Variants in COX5B observed in about 807,000 individuals in gnomAD.
The protein encoded by COX5B is cytochrome c oxidase subunit 5B.
COX5B carries 8 observed loss-of-function variants against 16.2 expected under a neutral mutation model. That is an observed-to-expected ratio of 0.49 (90% CI 0.29 to 0.89). The LOEUF (loss-of-function observed/expected upper bound fraction) is 0.89, where lower values mean the gene tolerates loss of function less well. Ranked by LOEUF, COX5B falls within the 40% of genes least tolerant of loss-of-function variation. The probability of loss-of-function intolerance (pLI) is 0.08; values close to 1 mark genes in which losing one functional copy is unlikely to be tolerated. For synonymous variants in COX5B, 65 were observed against 67.6 expected (o/e 0.96, Z 0.19); for missense variants, 161 against 168.7 (o/e 0.95, Z 0.25).
Position 97,647,091 on chromosome 2 carries a change from A to T in COX5B, c.128A>T (p.Gln43Leu), listed in dbSNP as rs1467565202. The change falls in exon 2 of 4, where the codon CAG (glutamine) becomes CTG (leucine). Residue 43 changes from glutamine (Q) to leucine (L), a missense_variant. Gln to Leu is a moderately radical substitution (Grantham distance 113). Transcript: ENST00000258424. ...SGGGVPTDEE[Q>L]ATGLEREIML... ...GGTGGTGTTCCCACTGATGAAGAGC[A>T]GGCGACTGGGTTGGAGAGGGAGATC... 1 of 1,614,084 alleles carries T rather than the reference A, an allele frequency of 6.2e-7. No individual in the cohort carries two copies. Among genetic ancestry groups the T allele is most frequent in the East Asian group, 2.2e-5 (1 of 44,894 alleles).
rs746686166 is a variant in COX5B, at chr2:97,646,179, G to A, written c.93G>A (p.Met31Ile). ...GPSGAAAMRS[M>I]ASGGGVPTDE... ...GTGGCGCGGCCGCGATGCGCTCCAT[G>A]GCATCTGGAGGTACTCGGGTCTCCG... is the stretch of plus-strand genomic sequence containing the variant. The change falls in exon 1 of 4, where the codon ATG (methionine) becomes ATA (isoleucine). Residue 31 changes from methionine (M) to isoleucine (I), a missense_variant. Physicochemically the swap from Met to Ile is conservative, Grantham distance 10. Transcript: ENST00000258424. 2 of 1,545,250 alleles carry A rather than the reference G, an allele frequency of 1.3e-6. No homozygotes were observed. The highest frequency in any genetic ancestry group is 1.7e-6 in the Non-Finnish European group (2 of 1,143,058).
chr2:97,647,220 A>T, intron 2 of COX5B, 80 bp downstream of exon 2: 1 of 1,546,024 alleles, frequency 6.5e-7, no homozygotes, highest in Non-Finnish European at 8.9e-7. Context: ...CTCTGGGAGT[A>T]TTTGATACAG....
At chr2:97,647,030 T>A in intron 1 of COX5B, 37 bp from the exon 2 acceptor site, 2 of 1,598,720 alleles carry the variant, frequency 1.3e-6, no homozygotes, top group Non-Finnish European at 1.7e-6. Flanking sequence ...TATCAGTCAT[T>A]TCAGTCAGCG....
In COX5B at chr2:97,648,015, C is replaced by T. The variant is rs142899936; in HGVS notation, c.297C>T (p.Ser99=). 6.8e-5 allele frequency: 110 copies of T among 1,613,604 alleles called. No individual in the cohort carries two copies. Among genetic ancestry groups the T allele is most frequent in the Non-Finnish European group, 8.3e-5 (98 of 1,179,874 alleles). The change falls in exon 4 of 4, where the codon AGC becomes AGT. Residue 99 remains serine (S), a synonymous_variant. Transcript: ENST00000258424. ...TTTTAGGTGAAGAGGACAATACCAG[C>T]GTCGTCTGGTTTTGGCTGCACAAAG... ...VGCICEEDNT[S]VVWFWLHKGE...
intron 1 of COX5B, 186 bp downstream of exon 1, chr2:97,646,375 C>G: frequency 1.8e-6 from 1 of 567,924 alleles, no homozygotes; most frequent in South Asian, 2.1e-5. Flanking sequence ...GCTCCCCGAA[C>G]TCACTCCGCT....
In COX5B at chr2:97,647,398, A is replaced by C. The variant is rs1387761010; in HGVS notation, c.232A>C (p.Asn78His). 1 of 1,614,096 alleles carries C rather than the reference A, an allele frequency of 6.2e-7. No individual in the cohort carries two copies. The highest frequency in any genetic ancestry group is 8.5e-7 in the Non-Finnish European group (1 of 1,180,004). Residue 78 changes from asparagine (N) to histidine (H), a missense_variant, in exon 3 of 4, where the codon AAT becomes CAT. Transcript: ENST00000258424. ...KGASGTREDP[N>H]LVPSISNKRI... ...AGCTTCAGGCACCAGGGAAGACCCT[A>C]ATTTAGTCCCCTCCATCTCCAACAA...
rs1297027164 is a variant in COX5B at position 97,648,217 on chromosome 2, C to A, written c.*109C>A. The A allele has an allele frequency of 1.1e-6, 1 of 948,758 alleles. No individual in the cohort carries two copies. The highest frequency in any genetic ancestry group is 1.5e-6 in the Non-Finnish European group (1 of 648,054). 58.8% of individuals were successfully genotyped at this position (948,758 alleles called of 1,614,324 possible). A position where few individuals can be genotyped will look rare whatever the true frequency, so the allele number is the denominator to read the frequency against. ...ATAGATGGCTGGTCTTATTTCTTAC[C>A]CGTATTCTTTGGTAGGCATGGAATA... On this transcript the variant is annotated 3_prime_UTR_variant, in exon 4 of 4. Transcript: ENST00000258424.
At chr2:97,647,959 G>C (rs1332246313) in intron 3 of COX5B, 37 bp from the exon 4 acceptor site, 1 of 1,574,668 alleles carries the variant, frequency 6.4e-7, no homozygotes, top group African/African-American at 1.3e-5. Flanking sequence ...TCCCTTTCTA[G>C]GTTGGATGAC....
intron 2 of COX5B, 82 bp downstream of exon 2, chr2:97,647,222 T>C: frequency 6.5e-7 from 1 of 1,544,324 alleles, no homozygotes; most frequent in Middle Eastern, 1.7e-4. Context: ...CTGGGAGTAT[T>C]TGATACAGGA....
intron 3 of COX5B, among the ~76,000 whole-genome samples, 198 bp downstream of exon 3, chr2:97,647,641 GA>G (rs763006250): frequency 1.3e-5 from 2 of 152,182 alleles, no homozygotes; most frequent in Non-Finnish European, 2.9e-5. Context: ...GGCTCACTGG[GA>G]GTGCGGCATG....
At chr2:97,646,506 C>T (rs1055005652) in intron 1 of COX5B, 11 of 337,064 alleles carry the variant, frequency 3.3e-5, no homozygotes, top group African/African-American at 2.4e-4. Context: ...GTGGGTTCTA[C>T]ATGCTTTTAG....
chr2:97,646,514 T>C (rs995631527), intron 1 of COX5B: 5 of 294,296 alleles, frequency 1.7e-5, no homozygotes, highest in Admixed American at 1.4e-4. Flanking sequence ...TACATGCTTT[T>C]AGACAAATGT....
At chr2:97,647,540 T>C in intron 3 of COX5B, 97 bp downstream of exon 3, 1 of 1,019,626 alleles carries the variant, frequency 9.8e-7, no homozygotes, top group Non-Finnish European at 1.5e-6. Context: ...TGCATGTTGG[T>C]AAGTTTGTCT....
At chr2:97,647,309 T>G (rs1559284950) in intron 2 of COX5B, 35 bp from the exon 3 acceptor site, 3 of 1,594,820 alleles carry the variant, frequency 1.9e-6, no homozygotes, top group Admixed American at 1.7e-5. Flanking sequence ...ATTCTTGTTT[T>G]TTTTGTTTTG....
chr2:97,647,532 C>A, intron 3 of COX5B, 89 bp downstream of exon 3: 2 of 1,123,124 alleles, frequency 1.8e-6, no homozygotes, highest in Non-Finnish European at 2.7e-6. Flanking sequence ...TGTGTGAGTG[C>A]ATGTTGGTAA....
chr2:97,647,350 T>C lies in COX5B; in HGVS notation c.184T>C (p.Tyr62His), dbSNP rs769537358. 1.2e-6 allele frequency: 2 copies of C among 1,613,568 alleles called. No homozygotes were observed. Among genetic ancestry groups the C allele is most frequent in the Admixed American group, 1.7e-5 (1 of 59,946 alleles). Residue 62 changes from tyrosine (Y) to histidine (H), a missense_variant, in exon 3 of 4, where the codon TAC becomes CAC. By Grantham distance (83) the Tyr-to-His change is moderately conservative (BLOSUM62 2). Coordinates refer to ENST00000258424, the MANE Select transcript of COX5B (RefSeq NM_001862.3). ...TTTTTTGTTTTTTCTTCAGGACCCA[T>C]ACAATGTACTGGCCCCAAAGGGAGC... Reference protein sequence around the residue: ...MLAAKKGLDPYNVLAPKGASG... With the variant: ...MLAAKKGLDPHNVLAPKGASG...
chr2:97,646,821 C>G, intron 1 of COX5B: 2 of 374,834 alleles, frequency 5.3e-6, no homozygotes, highest in South Asian at 5.1e-5. Context: ...GCACTCCAGC[C>G]TGGGCAACAA....
chr2:97,646,769 A>ACCCGGGAGGCGGAGGTT lies in COX5B; in HGVS notation c.104-293_104-277dup, dbSNP rs568764755. 701 of 288,730 alleles carry ACCCGGGAGGCGGAGGTT rather than the reference A, an allele frequency of 2.4e-3. 2 individuals are homozygous for ACCCGGGAGGCGGAGGTT. Among genetic ancestry groups the ACCCGGGAGGCGGAGGTT allele is most frequent in the Admixed American group, 4.1e-3 (95 of 22,970 alleles). 17.9% of individuals were successfully genotyped at this position (288,730 alleles called of 1,614,324 possible). A position where few individuals can be genotyped will look rare whatever the true frequency, so the allele number is the denominator to read the frequency against. ...AGGCTGAGGCAGGAGAATCGCTTAA[A>ACCCGGGAGGCGGAGGTT]CCCGGGAGGCGGAGGTTCCCGTGAG... On this transcript the variant is annotated intron_variant, in intron 1 of 3. Coordinates refer to ENST00000258424, the MANE Select transcript of COX5B (RefSeq NM_001862.3).
In COX5B at chr2:97,647,414, T is replaced by C. The variant is rs1479751832; in HGVS notation, c.248T>C (p.Ile83Thr). 1 of 1,613,994 alleles carries C rather than the reference T, an allele frequency of 6.2e-7. No individual in the cohort carries two copies. Among genetic ancestry groups the C allele is most frequent in the Non-Finnish European group, 8.5e-7 (1 of 1,179,956 alleles). Residue 83 changes from isoleucine to threonine, a missense_variant, in exon 3 of 4, where the codon ATC becomes ACC. Coordinates refer to ENST00000258424, the MANE Select transcript of COX5B (RefSeq NM_001862.3). ...GAAGACCCTAATTTAGTCCCCTCCATCTCCAACAAGAGAATAGTAGGCTGC... is the reference window on the plus strand; with the variant it reads ...GAAGACCCTAATTTAGTCCCCTCCACCTCCAACAAGAGAATAGTAGGCTGC... ...TREDPNLVPS[I>T]SNKRIVGCIC...
Sources: gnomAD v4.1 joint callset for allele counts (sites outside exome capture counted in the v4.1 genomes callset) on GRCh38, gnomAD v4.1.1 for gene constraint, MANE v1.5 for transcripts, NCBI Gene and HGNC (gene_info 2026-07-23, HGNC 2026-07-21) for gene names.